Variants in CDH18 observed in about 807,000 individuals in gnomAD.
CDH18 encodes cadherin-18.
A neutral mutation model predicts 67.9 loss-of-function variants in CDH18; 31 were observed. The observed-to-expected ratio is 0.46, with a 90% CI of 0.34 to 0.62. The LOEUF (loss-of-function observed/expected upper bound fraction) is 0.62. Among genes scored for constraint, CDH18 ranks in the 20% least tolerant of loss-of-function variants. The probability of loss-of-function intolerance (pLI) is 0.01; values close to 1 mark genes in which losing one functional copy is unlikely to be tolerated. For synonymous variants in CDH18, 362 were observed against 347.2 expected (o/e 1.04, Z -0.48); for missense variants, 890 against 975.5 (o/e 0.91, Z 1.17).
At chr5:20,171,754 C>A (rs1327030742) in intron 2 of CDH18, among the ~76,000 whole-genome samples, 2 of 151,744 alleles carry the variant, frequency 1.3e-5, no homozygotes, top group African/African-American at 4.8e-5. Context: ...CCTTTTTTTG[C>A]ACTTAATTTT....
At chr5:19,711,243 G>A (rs1457965470) in intron 5 of CDH18, among the ~76,000 whole-genome samples, 4 of 151,874 alleles carry the variant, frequency 2.6e-5, no homozygotes, top group African/African-American at 9.7e-5. Context: ...AAATAGACAA[G>A]TAAGACTATA....
At chr5:19,713,254 T>C (rs184258582) in intron 5 of CDH18, among the ~76,000 whole-genome samples, 17 of 152,246 alleles carry the variant, frequency 1.1e-4, no homozygotes, top group Non-Finnish European at 4.4e-5. Context: ...ATCTTTTTGA[T>C]ATGTAAAGGT....
At chr5:20,124,895 T>G (rs35124333) in intron 2 of CDH18, among the ~76,000 whole-genome samples, 18 of 152,134 alleles carry the variant, frequency 1.2e-4, no homozygotes, top group Non-Finnish European at 2.5e-4. Flanking sequence ...AGTATTAGAT[T>G]GGTTTGAAAT....
At chr5:19,835,326 A>C (rs1439077956) in intron 3 of CDH18, among the ~76,000 whole-genome samples, 1 of 152,062 alleles carries the variant, frequency 6.6e-6, no homozygotes, top group African/African-American at 2.4e-5. Context: ...CATTGAGAAC[A>C]CATGGACACA....
chr5:20,565,255 A>G (rs1318264775), intron 1 of CDH18, among the ~76,000 whole-genome samples: 1 of 151,262 alleles, frequency 6.6e-6, no homozygotes, highest in African/African-American at 2.4e-5. Context: ...ATGGGAACTC[A>G]AGTCAGGTTT....
At chr5:20,216,660 CCTCA>C (rs1413333713) in intron 2 of CDH18, among the ~76,000 whole-genome samples, 1 of 151,904 alleles carries the variant, frequency 6.6e-6, no homozygotes, top group Non-Finnish European at 1.5e-5. Flanking sequence ...GAGCTTCCTG[CCTCA>C]CTCAACAAAT....
chr5:20,287,282 A>G (rs1746763243), intron 1 of CDH18, among the ~76,000 whole-genome samples: 1 of 151,766 alleles, frequency 6.6e-6, no homozygotes, highest in Admixed American at 6.6e-5. Flanking sequence ...CAATGGTCTA[A>G]TCTGTCATCC....
chr5:20,028,490 A>G (rs1205027067), intron 2 of CDH18, among the ~76,000 whole-genome samples: 1 of 152,138 alleles, frequency 6.6e-6, no homozygotes, highest in Non-Finnish European at 1.5e-5. Context: ...GTTTGGAAAT[A>G]TTTACATTTG....
At chr5:19,907,271 T>C (rs1476893853) in intron 2 of CDH18, among the ~76,000 whole-genome samples, 2 of 151,952 alleles carry the variant, frequency 1.3e-5, no homozygotes, top group Admixed American at 1.3e-4. Flanking sequence ...TCAAAAATCA[T>C]AGTATAGGTT....
At chr5:20,200,011 T>A (rs962386760) in intron 2 of CDH18, among the ~76,000 whole-genome samples, 3 of 152,172 alleles carry the variant, frequency 2.0e-5, no homozygotes, top group Non-Finnish European at 4.4e-5. Context: ...CTTTATAAAT[T>A]GCTCAGTCTT....
intron 1 of CDH18, among the ~76,000 whole-genome samples, chr5:20,342,534 A>C (rs1740361612): frequency 6.6e-6 from 1 of 152,148 alleles, no homozygotes; most frequent in South Asian, 2.1e-4. Flanking sequence ...CCTAGAGGTA[A>C]AGTTGAGAGT....
At chr5:19,823,210 A>G (rs1780061405) in intron 3 of CDH18, among the ~76,000 whole-genome samples, 1 of 152,138 alleles carries the variant, frequency 6.6e-6, no homozygotes, top group Non-Finnish European at 1.5e-5. Flanking sequence ...TTGTGCAGTT[A>G]ACACAATCAT....
intron 2 of CDH18, among the ~76,000 whole-genome samples, chr5:19,884,174 T>C (rs1787954333): frequency 6.6e-6 from 1 of 152,136 alleles, no homozygotes; most frequent in African/African-American, 2.4e-5. Flanking sequence ...TAGAGCCCCA[T>C]GTTCTACTAA....
chr5:19,939,127 G>C (rs1794578184), intron 2 of CDH18, among the ~76,000 whole-genome samples: 2 of 151,328 alleles, frequency 1.3e-5, no homozygotes, highest in African/African-American at 2.4e-5. Context: ...TGTTATTTAA[G>C]TGTCCTTTCA....
intron 1 of CDH18, among the ~76,000 whole-genome samples, chr5:20,500,235 T>C (rs995305529): frequency 1.3e-5 from 2 of 152,164 alleles, no homozygotes; most frequent in African/African-American, 4.8e-5. Context: ...TGCTATTTTC[T>C]GGAGAAGTAC....
intron 1 of CDH18, among the ~76,000 whole-genome samples, chr5:20,312,086 A>G (rs1429890153): frequency 6.6e-6 from 1 of 152,146 alleles, no homozygotes; most frequent in East Asian, 1.9e-4. Context: ...TCTAATTGTC[A>G]GTATTCTTTT....
chr5:20,254,644 G>A (rs1416526089), intron 2 of CDH18, among the ~76,000 whole-genome samples: 1 of 152,318 alleles, frequency 6.6e-6, no homozygotes, highest in African/African-American at 2.4e-5. Context: ...GTAAAGAAAA[G>A]AGAACTCTTA....
intron 2 of CDH18, among the ~76,000 whole-genome samples, chr5:20,208,597 G>A (rs898374240): frequency 1.3e-5 from 2 of 151,974 alleles, no homozygotes; most frequent in East Asian, 1.9e-4. Context: ...TTAAACCTAC[G>A]ACTGGAAACT....
At chr5:19,514,663 C>T (rs946307091) in intron 10 of CDH18, among the ~76,000 whole-genome samples, 5 of 152,168 alleles carry the variant, frequency 3.3e-5, no homozygotes, top group Admixed American at 6.5e-5. Flanking sequence ...AGTGTTTGTT[C>T]TTATCCTTTG....
Sources: gnomAD v4.1 joint callset for allele counts (sites outside exome capture counted in the v4.1 genomes callset) on GRCh38, gnomAD v4.1.1 for gene constraint, MANE v1.5 for transcripts, NCBI Gene and HGNC (gene_info 2026-07-23, HGNC 2026-07-21) for gene names.